Variants in SPARCL1 observed in about 807,000 individuals in gnomAD.
SPARCL1 encodes SPARC-like protein 1.
A neutral mutation model predicts 67.1 loss-of-function variants in SPARCL1; 52 were observed. That is an observed-to-expected ratio of 0.78 (90% CI 0.62 to 0.98). The LOEUF (loss-of-function observed/expected upper bound fraction) is 0.98. SPARCL1 is among the 50% of genes least tolerant of loss of function. The pLI is 0.00. For missense variants in SPARCL1, 717 were observed against 782.4 expected, an observed-to-expected ratio of 0.92 and a Z score of 1.00; for synonymous variants, 226 against 267.8, an observed-to-expected ratio of 0.84 and a Z score of 1.52.
chr4:87,494,560 G>C lies in SPARCL1; in HGVS notation c.240C>G (p.Ser80Arg), dbSNP rs1252825012. 6.2e-7 allele frequency: 1 copy of C among 1,610,970 alleles called. No homozygotes were observed. Among genetic ancestry groups the C allele is most frequent in the Non-Finnish European group, 8.5e-7 (1 of 1,179,278 alleles). The change falls in exon 4 of 11, where the codon AGC (serine) becomes AGG (arginine). Residue 80 changes from serine (S) to arginine (R), a missense_variant. By Grantham distance (110) the Ser-to-Arg change is moderately radical. Transcript: ENST00000282470. The part of the protein sequence containing the change: ...KSSVLKSKEE[S>R]HEQSAEQGKS... The stretch of plus-strand genomic sequence containing the variant: ...TGCCCTGTTCTGCTGACTGTTCATG[G>C]CTTTCCTCTTTTGACTTTAGTACTG...
At chr4:87,479,234 A>G (rs970484228) in intron 10 of SPARCL1, among the ~76,000 whole-genome samples, 196 bp downstream of exon 10, 3 of 152,230 alleles carry the variant, frequency 2.0e-5, no homozygotes, top group Non-Finnish European at 4.4e-5. Context: ...CTTTGAAAAC[A>G]GTGCCATAAA....
rs10516792 is a variant in SPARCL1 at position 87,513,521 on chromosome 4, G to A, written c.-11-13936C>T. Among the ~76,000 whole-genome samples, 3,747 of 152,232 alleles carry A rather than the reference G, an allele frequency of 0.025. 381 individuals carry two copies. In the East Asian group the frequency reaches 0.33, roughly 13 times the overall value. Reference sequence around the variant, plus strand: ...TAGGATGGGAATACCAGTTCCTTCCGATGTCAAAGGTAGCTCCTTGCAAGG... The same window carrying A: ...TAGGATGGGAATACCAGTTCCTTCCAATGTCAAAGGTAGCTCCTTGCAAGG... On this transcript the variant is annotated intron_variant, in intron 1 of 10. Transcript: ENST00000282470.
At position 87,495,107 on chromosome 4, in the gene SPARCL1, A is replaced by G; in HGVS notation, c.75T>C (p.Ser25=). 6.2e-7 allele frequency: 1 copy of G among 1,606,078 alleles called. No homozygotes were observed. The highest frequency in any genetic ancestry group is 8.5e-7 in the Non-Finnish European group (1 of 1,178,556). The change falls in exon 3 of 11, where the codon TCT becomes TCC. Residue 25 remains serine, a synonymous_variant. Transcript: ENST00000282470. ...AAIPTNARLL[S]DHSKPTAETV... is the part of the protein sequence containing the mutation. ...TTTCAGCAGTTGGTTTGGAATGATC[A>G]GATAATAATCTTGCATTTGTCTGAA...
At chr4:87,517,717 C>T (rs1028730743) in intron 1 of SPARCL1, among the ~76,000 whole-genome samples, 6 of 152,194 alleles carry the variant, frequency 3.9e-5, no homozygotes, top group Admixed American at 6.5e-5. Context: ...CTTTTGCTAA[C>T]AGAGTAAGTC....
In SPARCL1 at chr4:87,522,675, A is replaced by G. The variant is rs1002103154; in HGVS notation, c.-12+6370T>C. ...CACACACACACACACACACACACAC[A>G]CACACACGCACACACACAGAGTTAA... On this transcript the variant is annotated intron_variant, in intron 1 of 10. Transcript: ENST00000282470. 2.9e-4 allele frequency among the ~76,000 whole-genome samples: 43 copies of G among 148,192 alleles called. No homozygotes were observed. In the East Asian group the frequency reaches 6.9e-3, roughly 24 times the overall value.
At chr4:87,486,818 C>T (rs1724077231) in intron 7 of SPARCL1, among the ~76,000 whole-genome samples, 2 of 146,024 alleles carry the variant, frequency 1.4e-5, no homozygotes, top group Non-Finnish European at 3.0e-5. Context: ...TATGTGATGC[C>T]CTTCTTTGTG....
intron 8 of SPARCL1, among the ~76,000 whole-genome samples, chr4:87,481,940 G>C (rs1007746254): frequency 1.2e-4 from 19 of 152,246 alleles, no homozygotes; most frequent in East Asian, 7.7e-4. Flanking sequence ...TGGCACCCAG[G>C]ATACACTCAA....
In SPARCL1 at chr4:87,494,214, T is replaced by C. The variant is rs1724507112; in HGVS notation, c.586A>G (p.Asn196Asp). The C allele has an allele frequency of 1.7e-5, 28 of 1,614,154 alleles. No homozygotes were observed. The highest frequency in any genetic ancestry group is 2.3e-5 in the Non-Finnish European group (27 of 1,180,036). ...TCTTCCTCTTCTCCATTGGAAATAT[T>C]TGGATCCTGCTCTTGGTTTCCTTGA... The part of the protein sequence containing the change: ...RDQGNQEQDP[N>D]ISNGEEEEEK... Residue 196 changes from asparagine (N) to aspartate (D), a missense_variant, in exon 4 of 11, where the codon AAT (asparagine) becomes GAT (aspartate). Coordinates refer to ENST00000282470, the MANE Select transcript of SPARCL1 (RefSeq NM_004684.6).
chr4:87,492,375 G>A (rs1310120891), intron 4 of SPARCL1, among the ~76,000 whole-genome samples: 3 of 148,254 alleles, frequency 2.0e-5, no homozygotes, highest in African/African-American at 7.5e-5. Context: ...CCGAGATTGC[G>A]CCACTGCACT....
intron 1 of SPARCL1, among the ~76,000 whole-genome samples, chr4:87,508,782 ATGTGTGTGTG>A (rs71667857): frequency 1.4e-4 from 19 of 140,114 alleles, no homozygotes; most frequent in Admixed American, 3.7e-4. Context: ...GATGAAACAT[ATGTGTGTGTG>A]TGTGTGTGTG....
chr4:87,502,501 G>A (rs940085594), intron 1 of SPARCL1, among the ~76,000 whole-genome samples: 7 of 152,140 alleles, frequency 4.6e-5, no homozygotes, highest in African/African-American at 1.7e-4. Context: ...GCTTCCATAT[G>A]AGTGAGAATA....
At chr4:87,476,366 CT>C (rs1271682173) in intron 10 of SPARCL1, among the ~76,000 whole-genome samples, 1 of 152,138 alleles carries the variant, frequency 6.6e-6, no homozygotes, top group Non-Finnish European at 1.5e-5. Context: ...TTACTTCTCT[CT>C]TTTTTTCCCC....
intron 1 of SPARCL1, among the ~76,000 whole-genome samples, chr4:87,508,908 G>C (rs906820194): frequency 1.1e-5 from 1 of 86,998 alleles, no homozygotes; most frequent in African/African-American, 4.7e-5. Flanking sequence ...TATATATATA[G>C]TATACATATG....
chr4:87,507,613 A>G (rs1171566357), intron 1 of SPARCL1, among the ~76,000 whole-genome samples: 1 of 152,196 alleles, frequency 6.6e-6, no homozygotes, highest in Non-Finnish European at 1.5e-5. Flanking sequence ...TTCTGTGACC[A>G]AATGTGGGAG....
chr4:87,490,054 A>T (rs1196020490), intron 7 of SPARCL1, among the ~76,000 whole-genome samples: 1 of 152,028 alleles, frequency 6.6e-6, no homozygotes, highest in East Asian at 1.9e-4. Flanking sequence ...AAAAACAAAT[A>T]AAAAAAACAA....
chr4:87,521,420 T>C (rs1725814587), intron 1 of SPARCL1, among the ~76,000 whole-genome samples: 1 of 152,200 alleles, frequency 6.6e-6, no homozygotes, highest in Non-Finnish European at 1.5e-5. Context: ...AGGATTCCTC[T>C]TTCATATTGG....
intron 1 of SPARCL1, among the ~76,000 whole-genome samples, chr4:87,511,599 G>A (rs1350463464): frequency 6.6e-6 from 1 of 152,188 alleles, no homozygotes; most frequent in African/African-American, 2.4e-5. Context: ...GATGGGAAGA[G>A]CTAAAGATAC....
intron 1 of SPARCL1, among the ~76,000 whole-genome samples, chr4:87,527,921 G>A (rs1726117227): frequency 6.6e-6 from 1 of 151,910 alleles, no homozygotes; most frequent in African/African-American, 2.4e-5. Flanking sequence ...GACTGAGTAA[G>A]CTGTGAACTG....
chr4:87,494,395 T>TGAGAGTTTTTTCTCC lies in SPARCL1; in HGVS notation c.390_404dup (p.Lys132_Glu136dup), dbSNP rs1454366783. The TGAGAGTTTTTTCTCC allele has an allele frequency of 6.2e-7, 1 of 1,614,052 alleles. No individual in the cohort carries two copies. The highest frequency in any genetic ancestry group is 2.2e-5 in the East Asian group (1 of 44,888). On this transcript the variant is annotated inframe_insertion, in exon 4 of 11. Transcript: ENST00000282470. ...CAGGAGCCAAAAAATCAGTGTTCTC[T>TGAGAGTTTTTTCTCC]GAGAGTTTTTTCTCCTGAGGCTCAC... is the stretch of plus-strand genomic sequence containing the variant.
Sources: gnomAD v4.1 joint callset for allele counts (sites outside exome capture counted in the v4.1 genomes callset) on GRCh38, gnomAD v4.1.1 for gene constraint, MANE v1.5 for transcripts, NCBI Gene and HGNC (gene_info 2026-07-23, HGNC 2026-07-21) for gene names.